Variants in ULK2 observed in about 807,000 individuals in gnomAD.
ULK2 encodes serine/threonine-protein kinase ULK2.
Under a neutral mutation model 127.5 loss-of-function variants are expected in ULK2, and 76 were observed. That is an observed-to-expected ratio of 0.60 (90% CI 0.50 to 0.72). ULK2 has a LOEUF of 0.72. Among genes scored for constraint, ULK2 ranks in the 30% least tolerant of loss-of-function variants. The pLI, the probability that ULK2 is intolerant of heterozygous loss-of-function variation, is 0.00. For missense variants in ULK2, 1,144 were observed against 1,295.9 expected (o/e 0.88, Z 1.80); for synonymous variants, 452 against 461.9 (o/e 0.98, Z 0.28).
intron 3 of ULK2, among the ~76,000 whole-genome samples, chr17:19,852,377 T>C (rs2042036454): frequency 6.6e-6 from 1 of 150,532 alleles, no homozygotes; most frequent in Non-Finnish European, 1.5e-5. Context: ...AAAAGTTAGC[T>C]GGGCATGGTG....
At chr17:19,853,518 A>G (rs1039342102) in intron 3 of ULK2, among the ~76,000 whole-genome samples, 1 of 151,464 alleles carries the variant, frequency 6.6e-6, no homozygotes, top group Admixed American at 6.6e-5. Flanking sequence ...GGCAGTTTCT[A>G]TGGTTTATCT....
At chr17:19,790,404 C>T (rs910607135) in intron 20 of ULK2, among the ~76,000 whole-genome samples, 5 of 151,854 alleles carry the variant, frequency 3.3e-5, no homozygotes, top group East Asian at 1.9e-4. Context: ...GTGACAAGAG[C>T]GAAACTCCAT....
chr17:19,814,093 A>G (rs1353694864), intron 13 of ULK2, among the ~76,000 whole-genome samples: 1 of 152,134 alleles, frequency 6.6e-6, no homozygotes, highest in African/African-American at 2.4e-5. Context: ...ACAAAAAAAG[A>G]AACCCCATCT....
chr17:19,846,120 C>T (rs2041875758), intron 6 of ULK2, among the ~76,000 whole-genome samples: 4 of 151,996 alleles, frequency 2.6e-5, no homozygotes. Flanking sequence ...AGCGAGACTC[C>T]ATCTCAGACA....
At chr17:19,803,853 T>TA (rs2087453491) in intron 15 of ULK2, among the ~76,000 whole-genome samples, 1 of 152,190 alleles carries the variant, frequency 6.6e-6, no homozygotes, top group African/African-American at 2.4e-5. Flanking sequence ...ATGACATACA[T>TA]ATATGTAGAA....
At chr17:19,810,006 C>T (rs1216521152) in intron 14 of ULK2, among the ~76,000 whole-genome samples, 1 of 152,004 alleles carries the variant, frequency 6.6e-6, no homozygotes, top group Non-Finnish European at 1.5e-5. Flanking sequence ...CCAAGGCGGG[C>T]GGATCATGAG....
chr17:19,862,755 C>T (rs939778515), intron 3 of ULK2, among the ~76,000 whole-genome samples: 1 of 152,030 alleles, frequency 6.6e-6, no homozygotes, highest in Non-Finnish European at 1.5e-5. Context: ...TATAAGCTAC[C>T]GTGCCCAGCT....
At chr17:19,820,193 C>G (rs944783768) in intron 12 of ULK2, among the ~76,000 whole-genome samples, 1 of 151,872 alleles carries the variant, frequency 6.6e-6, no homozygotes, top group Admixed American at 6.6e-5. Flanking sequence ...GAACTACAGG[C>G]GCGCCCCACC....
At chr17:19,799,969 A>G (rs1222605208) in intron 16 of ULK2, among the ~76,000 whole-genome samples, 1 of 152,242 alleles carries the variant, frequency 6.6e-6, no homozygotes, top group Non-Finnish European at 1.5e-5. Flanking sequence ...GGCTTCCCCC[A>G]GGGCTGTTCC....
intron 20 of ULK2, among the ~76,000 whole-genome samples, chr17:19,789,780 T>C (rs982408633): frequency 2.6e-5 from 4 of 151,360 alleles, no homozygotes; most frequent in African/African-American, 9.7e-5. Flanking sequence ...TGGAGTCTCT[T>C]AATAGCAGAA....
intron 10 of ULK2, among the ~76,000 whole-genome samples, chr17:19,827,340 A>C (rs545808394): frequency 6.6e-6 from 1 of 152,182 alleles, no homozygotes; most frequent in African/African-American, 2.4e-5. Context: ...CCAATGTCAA[A>C]GAGTTAGTAA....
chr17:19,862,996 C>T (rs570847004), intron 3 of ULK2, among the ~76,000 whole-genome samples: 1 of 152,008 alleles, frequency 6.6e-6, no homozygotes, highest in African/African-American at 2.4e-5. Context: ...GGAGGATCAC[C>T]TGAGGTCAGG....
rs1277049357 is a variant in ULK2 at position 19,867,482 on chromosome 17, G to A, written c.-65C>T. ...GCAGTGCGGCGCAGGTATCAGCACC[G>A]CGGCTCCGCGGGCCCGGAGCGCGCC... On this transcript the variant is annotated 5_prime_UTR_variant, in exon 1 of 27. Transcript: ENST00000395544. 2.3e-6 allele frequency: 3 copies of A among 1,326,724 alleles called. No homozygotes were observed. The highest frequency in any genetic ancestry group is 3.1e-5 in the African/African-American group (2 of 64,376). The allele number at this position is 1,326,724 out of a possible 1,614,324, so 82.2% of individuals were successfully genotyped here.
At chr17:19,799,621 T>C in intron 16 of ULK2, 46 bp from the exon 17 acceptor site, 5 of 1,395,376 alleles carry the variant, frequency 3.6e-6, no homozygotes, top group Non-Finnish European at 4.7e-6. Context: ...AGAAAAATGA[T>C]CAAAAACCAA....
intron 17 of ULK2, among the ~76,000 whole-genome samples, chr17:19,799,184 T>C (rs761250755): frequency 7.2e-5 from 11 of 151,748 alleles, no homozygotes; most frequent in Non-Finnish European, 1.2e-4. Context: ...AAAAGTATTA[T>C]TAATCAATAG....
rs1279270641 is a variant in ULK2 at position 19,781,007 on chromosome 17, G to C, written c.2737C>G (p.Pro913Ala). ...ATACCTTGTTTCACAGCTGTGGATG[G>C]GCTCAGTTTCCCGGACTTGATCTGG... ...KAQIKSGKLS[P>A]STAVKQVVKN... Residue 913 changes from proline (P) to alanine (A), a missense_variant, in exon 24 of 27, where the codon CCA becomes GCA. This residue lies in a region of ULK2 where 913 missense variants were observed against 970.5 expected (regional missense o/e 0.94). Transcript: ENST00000395544. The C allele has an allele frequency of 1.9e-6, 3 of 1,614,008 alleles. No homozygotes were observed. Among genetic ancestry groups the C allele is most frequent in the Non-Finnish European group, 2.5e-6 (3 of 1,180,018 alleles).
chr17:19,800,479 T>C (rs905474622), intron 16 of ULK2, among the ~76,000 whole-genome samples: 2 of 152,188 alleles, frequency 1.3e-5, no homozygotes, highest in East Asian at 1.9e-4. Flanking sequence ...TTTGGAGACC[T>C]TGAAGTACCT....
chr17:19,810,424 C>G lies in ULK2; in HGVS notation c.1111G>C (p.Gly371Arg). The G allele has an allele frequency of 1.9e-6, 3 of 1,607,338 alleles. No homozygotes were observed. The highest frequency in any genetic ancestry group is 2.6e-6 in the Non-Finnish European group (3 of 1,175,030). ...SSDHSCDMPV[G>R]TAGRRASNEF... ...TTTGAAGCACGTCTGCCAGCAGTCC[C>G]CACTGGCATATCACCTAAAGGAGAG... Residue 371 changes from glycine to arginine, a missense_variant, in exon 14 of 27, where the codon GGG (glycine) becomes CGG (arginine). Gly to Arg is a moderately radical substitution (Grantham distance 125, BLOSUM62 -2). Coordinates refer to ENST00000395544, the MANE Select transcript of ULK2 (RefSeq NM_014683.4).
chr17:19,805,805 C>T (rs1159818131), intron 14 of ULK2, among the ~76,000 whole-genome samples: 1 of 152,112 alleles, frequency 6.6e-6, no homozygotes, highest in Non-Finnish European at 1.5e-5. Context: ...ACGTAACTTC[C>T]TTGAGCCACA....
Sources: gnomAD v4.1 joint callset for allele counts (sites outside exome capture counted in the v4.1 genomes callset) on GRCh38, gnomAD v4.1.1 for gene constraint, gnomAD v4.1.1 regional missense constraint, MANE v1.5 for transcripts, NCBI Gene and HGNC (gene_info 2026-07-23, HGNC 2026-07-21) for gene names.